Variants in KIAA2012 observed in about 807,000 individuals in gnomAD.
KIAA2012 encodes uncharacterized protein KIAA2012.
KIAA2012 carries 125 observed loss-of-function variants against 150.6 expected under a neutral mutation model. The observed-to-expected ratio is 0.83, with a 90% confidence interval of 0.72 to 0.96. The LOEUF (loss-of-function observed/expected upper bound fraction) is 0.96, where lower values mean the gene tolerates loss of function less well. KIAA2012 is among the 40% of genes least tolerant of loss of function. KIAA2012 has a pLI of 0.00. For missense variants in KIAA2012, 1,219 were observed against 1,354.9 expected (o/e 0.90, Z 1.57); for synonymous variants, 462 against 504.7 (o/e 0.92, Z 1.13).
In KIAA2012 at chr2:202,152,467, C is replaced by T. The variant is rs1321896704; in HGVS notation, c.1909-2206C>T. Among the ~76,000 whole-genome samples the T allele has an allele frequency of 2.6e-5, 4 of 152,146 alleles. 1 individual carries two copies. The highest frequency in any genetic ancestry group is 5.9e-5 in the Non-Finnish European group (4 of 68,026). ...GCGTTGGAACTCGTCTTGACTATGC[C>T]TTTTGTTCTCCCATCTAACACAAAA... On this transcript the variant is annotated intron_variant, in intron 13 of 23. Transcript: ENST00000498697.
chr2:202,179,416 A>G, intron 15 of KIAA2012: 1 of 739,718 alleles, frequency 1.4e-6, no homozygotes, highest in Non-Finnish European at 2.5e-6. Context: ...TTAAAGCGGC[A>G]AATGGTGTGG....
intron 8 of KIAA2012, 69 bp downstream of exon 8, chr2:202,103,183 C>T: frequency 1.4e-6 from 2 of 1,439,540 alleles, no homozygotes; most frequent in Admixed American, 2.4e-5. Context: ...CTTCTACATG[C>T]TCCTACATCA....
chr2:202,188,353 C>T (rs1039671952), intron 18 of KIAA2012, 87 bp downstream of exon 18: 3 of 1,033,344 alleles, frequency 2.9e-6, no homozygotes, highest in Non-Finnish European at 4.2e-6. Context: ...ATGGATCCTA[C>T]CGGACAAACT....
At chr2:202,163,889 T>C (rs979219585) in intron 14 of KIAA2012, among the ~76,000 whole-genome samples, 1 of 151,502 alleles carries the variant, frequency 6.6e-6, no homozygotes, top group Non-Finnish European at 1.5e-5. Context: ...TTAGCCTTTT[T>C]ATGTCAGTAT....
At chr2:202,131,189 A>C (rs1468994361) in intron 12 of KIAA2012, among the ~76,000 whole-genome samples, 1 of 152,096 alleles carries the variant, frequency 6.6e-6, no homozygotes, top group Non-Finnish European at 1.5e-5. Context: ...GTCCAGGCTG[A>C]AGTGCAATGG....
chr2:202,124,667 C>G (rs1374518516), intron 11 of KIAA2012, among the ~76,000 whole-genome samples: 2 of 152,154 alleles, frequency 1.3e-5, no homozygotes, highest in African/African-American at 4.8e-5. Flanking sequence ...ATCATGGACC[C>G]TACAGAATTT....
intron 11 of KIAA2012, chr2:202,116,760 G>A (rs1306497691): frequency 1.3e-5 from 2 of 152,274 alleles, no homozygotes; most frequent in African/African-American, 4.8e-5. Context: ...TTGAGTGTGA[G>A]TGGGATATGA....
intron 11 of KIAA2012, chr2:202,114,483 C>G (rs940714450): frequency 1.2e-5 from 2 of 167,152 alleles, no homozygotes; most frequent in Non-Finnish European, 1.5e-5. Context: ...GTCAGCATGA[C>G]ACAGCTGGTG....
At chr2:202,105,646 C>A in intron 8 of KIAA2012, 115 bp from the exon 9 acceptor site, 1 of 1,369,978 alleles carries the variant, frequency 7.3e-7, no homozygotes, top group Non-Finnish European at 9.8e-7. Flanking sequence ...CAAATGGACA[C>A]TGCTCCAACC....
chr2:202,119,276 A>G (rs74698613), intron 11 of KIAA2012, among the ~76,000 whole-genome samples: 11 of 3,302 alleles, frequency 3.3e-3, no homozygotes, highest in African/African-American at 0.027. Flanking sequence ...CGTCTCAGGA[A>G]AAAAAAAAAA....
chr2:202,159,444 G>A (rs1230088221), intron 14 of KIAA2012, among the ~76,000 whole-genome samples: 3 of 151,952 alleles, frequency 2.0e-5, no homozygotes, highest in African/African-American at 7.3e-5. Flanking sequence ...TAGTAGTTGG[G>A]AAGCCCTGGG....
intron 13 of KIAA2012, among the ~76,000 whole-genome samples, chr2:202,154,469 C>T (rs1319971744): frequency 6.6e-6 from 1 of 152,090 alleles, no homozygotes; most frequent in Non-Finnish European, 1.5e-5. Context: ...TTTCCACTTC[C>T]GTAGGCATTA....
chr2:202,105,123 G>A (rs1690148927), intron 8 of KIAA2012, among the ~76,000 whole-genome samples: 1 of 131,188 alleles, frequency 7.6e-6, no homozygotes, highest in South Asian at 2.5e-4. Context: ...ATAAAGAAAA[G>A]GAAAGGGGAA....
intron 14 of KIAA2012, among the ~76,000 whole-genome samples, chr2:202,164,448 A>G (rs1691716222): frequency 6.6e-6 from 1 of 152,196 alleles, no homozygotes; most frequent in South Asian, 2.1e-4. Flanking sequence ...GTTGGTAACC[A>G]TAGTTATGGA....
At chr2:202,161,682 C>T (rs539071913) in intron 14 of KIAA2012, among the ~76,000 whole-genome samples, 51 of 152,202 alleles carry the variant, frequency 3.4e-4, no homozygotes, top group African/African-American at 1.2e-3. Flanking sequence ...CCTGCAGAAA[C>T]CTGTCATAAT....
At chr2:202,188,739 C>T (rs1692275651) in intron 18 of KIAA2012, among the ~76,000 whole-genome samples, 1 of 152,178 alleles carries the variant, frequency 6.6e-6, no homozygotes, top group Non-Finnish European at 1.5e-5. Context: ...CCACTGCCTC[C>T]ATAAAATAAT....
intron 23 of KIAA2012, among the ~76,000 whole-genome samples, chr2:202,202,918 C>T (rs1395236111): frequency 2.0e-5 from 3 of 150,348 alleles, no homozygotes; most frequent in Non-Finnish European, 4.4e-5. Flanking sequence ...CAGAGTGGGA[C>T]CCTGTCTCTT....
At chr2:202,147,694 A>C (rs990390480) in intron 13 of KIAA2012, among the ~76,000 whole-genome samples, 1 of 152,106 alleles carries the variant, frequency 6.6e-6, no homozygotes, top group Non-Finnish European at 1.5e-5. Context: ...TGACCTTTTC[A>C]CAGTGGAATC....
intron 22 of KIAA2012, among the ~76,000 whole-genome samples, chr2:202,200,894 CGGG>C: frequency 6.6e-6 from 1 of 151,826 alleles, no homozygotes; most frequent in Non-Finnish European, 1.5e-5. Context: ...TTAGTAGAGA[CGGG>C]GTTTCTCCAT....
Sources: gnomAD v4.1 joint callset for allele counts (sites outside exome capture counted in the v4.1 genomes callset) on GRCh38, gnomAD v4.1.1 for gene constraint, MANE v1.5 for transcripts, NCBI Gene and HGNC (gene_info 2026-07-23, HGNC 2026-07-21) for gene names.